Variants in MORN5 observed in about 807,000 individuals in gnomAD.
The protein encoded by MORN5 is MORN repeat-containing protein 5.
Under a neutral mutation model 22.1 loss-of-function variants are expected in MORN5, and 21 were observed. The observed-to-expected ratio is 0.95, with a 90% CI of 0.67 to 1.37. MORN5 has a LOEUF of 1.37. MORN5 is among the 40% of genes most tolerant of loss of function. The probability of loss-of-function intolerance (pLI) is 0.00; values close to 1 mark genes in which losing one functional copy is unlikely to be tolerated. For synonymous variants in MORN5, 73 were observed against 74.0 expected (o/e 0.99, Z 0.07); for missense variants, 211 against 215.1 (o/e 0.98, Z 0.12).
intron 1 of MORN5, among the ~76,000 whole-genome samples, chr9:122,162,893 T>G (rs1459889394): frequency 6.6e-6 from 1 of 152,146 alleles, no homozygotes; most frequent in Non-Finnish European, 1.5e-5. Flanking sequence ...TATTTTGTCT[T>G]GATTGTGATG....
chr9:122,167,229 G>T (rs758607907), intron 2 of MORN5, among the ~76,000 whole-genome samples: 1 of 150,508 alleles, frequency 6.6e-6, no homozygotes, highest in Non-Finnish European at 1.5e-5. Flanking sequence ...TGTATTTTTA[G>T]TAGAGATTGG....
intron 4 of MORN5, among the ~76,000 whole-genome samples, chr9:122,192,656 CCCAGGCCAG>C (rs1199176023): frequency 1.3e-5 from 2 of 152,230 alleles, no homozygotes; most frequent in African/African-American, 2.4e-5. Flanking sequence ...AGAGGCAAGT[CCCAGGCCAG>C]CCAGGCTTTG....
chr9:122,164,662 G>A, intron 1 of MORN5: 34 of 984,646 alleles, frequency 3.5e-5, no homozygotes, highest in Non-Finnish European at 4.1e-5. Flanking sequence ...GAAAAGGGGT[G>A]GGGTCTAACC....
intron 4 of MORN5, among the ~76,000 whole-genome samples, chr9:122,178,721 GT>G (rs1213061816): frequency 6.6e-6 from 1 of 152,152 alleles, no homozygotes; most frequent in Non-Finnish European, 1.5e-5. Flanking sequence ...CTTTTTACCA[GT>G]AGGGTGATCA....
chr9:122,174,412 A>G (rs994515202), intron 3 of MORN5, 84 bp from the exon 4 acceptor site: 1 of 1,505,174 alleles, frequency 6.6e-7, no homozygotes, highest in African/African-American at 1.4e-5. Context: ...CACATGAGCC[A>G]CCAGCCACAA....
At chr9:122,164,983 G>A (rs1279594939) in intron 1 of MORN5, among the ~76,000 whole-genome samples, 1 of 152,156 alleles carries the variant, frequency 6.6e-6, no homozygotes, top group Non-Finnish European at 1.5e-5. Flanking sequence ...GGTTCTAGGA[G>A]CTGAGGATAC....
intron 2 of MORN5, among the ~76,000 whole-genome samples, chr9:122,167,336 G>A (rs1165744893): frequency 2.1e-5 from 3 of 140,230 alleles, no homozygotes; most frequent in Admixed American, 1.5e-4. Context: ...GCGCAGGTGT[G>A]AGCCACCGCA....
intron 4 of MORN5, among the ~76,000 whole-genome samples, chr9:122,194,112 G>A (rs1215828770): frequency 2.0e-5 from 3 of 152,192 alleles, no homozygotes; most frequent in Admixed American, 6.5e-5. Context: ...CTTCAGAACC[G>A]GAATAAAGAC....
At chr9:122,180,174 C>A (rs1829514932) in intron 4 of MORN5, among the ~76,000 whole-genome samples, 1 of 152,048 alleles carries the variant, frequency 6.6e-6, no homozygotes, top group Admixed American at 6.6e-5. Flanking sequence ...AGCTCTCAAA[C>A]CTTCGACCCG....
At chr9:122,174,009 C>T (rs1331215008) in intron 3 of MORN5, among the ~76,000 whole-genome samples, 2 of 152,202 alleles carry the variant, frequency 1.3e-5, no homozygotes, top group African/African-American at 2.4e-5. Context: ...CACCACCTGC[C>T]CCTTGTCCAC....
At chr9:122,193,562 C>T (rs528198426) in intron 4 of MORN5, among the ~76,000 whole-genome samples, 38 of 152,224 alleles carry the variant, frequency 2.5e-4, no homozygotes, top group Non-Finnish European at 2.4e-4. Flanking sequence ...TCCAGCCTGG[C>T]GACAGAGCGA....
intron 4 of MORN5, among the ~76,000 whole-genome samples, chr9:122,189,327 G>A (rs1359150574): frequency 1.3e-5 from 2 of 152,044 alleles, no homozygotes; most frequent in Non-Finnish European, 2.9e-5. Flanking sequence ...GGCCAGGCTT[G>A]GTGTGCCTGT....
chr9:122,162,817 G>A (rs570691954), intron 1 of MORN5, among the ~76,000 whole-genome samples: 88 of 152,316 alleles, frequency 5.8e-4, no homozygotes, highest in African/African-American at 2.0e-3. Context: ...TAGAGATGAG[G>A]ATTGTGGGCA....
At chr9:122,194,398 C>T (rs968768758) in intron 4 of MORN5, among the ~76,000 whole-genome samples, 3 of 152,180 alleles carry the variant, frequency 2.0e-5, no homozygotes, top group Non-Finnish European at 4.4e-5. Flanking sequence ...ACAACATGCA[C>T]GTAAACAAAT....
intron 4 of MORN5, among the ~76,000 whole-genome samples, chr9:122,188,270 A>G (rs75128763): frequency 6.6e-6 from 1 of 152,346 alleles, no homozygotes; most frequent in East Asian, 1.9e-4. Flanking sequence ...AGACTTGGCT[A>G]TCACTCTGCA....
intron 3 of MORN5, among the ~76,000 whole-genome samples, chr9:122,172,737 T>C (rs1247660940): frequency 1.3e-5 from 2 of 152,310 alleles, no homozygotes; most frequent in South Asian, 2.1e-4. Context: ...TTGTCTGGCA[T>C]ACAGTGGGTA....
At chr9:122,198,186 C>A (rs1267713816) in intron 4 of MORN5, among the ~76,000 whole-genome samples, 2 of 152,208 alleles carry the variant, frequency 1.3e-5, no homozygotes, top group African/African-American at 4.8e-5. Context: ...ACAGTGTCTG[C>A]AAAGCACCAA....
chr9:122,171,946 CTTTTT>C (rs71371928), intron 3 of MORN5, among the ~76,000 whole-genome samples: 6 of 58,572 alleles, frequency 1.0e-4, no homozygotes, highest in Admixed American at 2.2e-4. Flanking sequence ...TCACTTCCAT[CTTTTT>C]TTTTTTTTTT....
At chr9:122,196,066 G>A (rs7470954) in intron 4 of MORN5, among the ~76,000 whole-genome samples, 1 of 151,366 alleles carries the variant, frequency 6.6e-6, no homozygotes, top group Non-Finnish European at 1.5e-5. Context: ...TCAGGTGATC[G>A]TCTCACATCA....
Sources: gnomAD v4.1 joint callset for allele counts (sites outside exome capture counted in the v4.1 genomes callset) on GRCh38, gnomAD v4.1.1 for gene constraint, MANE v1.5 for transcripts, NCBI Gene and HGNC (gene_info 2026-07-23, HGNC 2026-07-21) for gene names.